Variants in SKOR1 observed in about 807,000 individuals in gnomAD.
The protein encoded by SKOR1 is SKI family transcriptional corepressor 1, also known as LBX1 corepressor 1.
In SKOR1, 38 loss-of-function variants were observed where a neutral mutation model predicts 72.4. The ratio of observed to expected loss-of-function variants is 0.52; its 90% CI spans 0.40 to 0.69. The LOEUF is 0.69. Ranked by LOEUF, SKOR1 falls within the 30% of genes least tolerant of loss-of-function variation. The pLI is 0.00. For missense variants in SKOR1, 1,320 were observed against 1,343.2 expected, an observed-to-expected ratio of 0.98 and a Z score of 0.27; for synonymous variants, 642 against 599.4, an observed-to-expected ratio of 1.07 and a Z score of -1.04.
Position 67,832,367 on chromosome 15 carries a change from C to T in SKOR1, c.2662+19C>T. 4 of 1,612,358 alleles carry T rather than the reference C, an allele frequency of 2.5e-6. No individual in the cohort carries two copies. The highest frequency in any genetic ancestry group is 3.4e-6 in the Non-Finnish European group (4 of 1,178,592). ...CTCAAAGGTACCCACTGCCATCCTG[C>T]CTCACCCCACCTCATCACCGAGCCT... On this transcript the variant is annotated intron_variant, in intron 6 of 8. Transcript: ENST00000380035. The surrounding 1 kb of genome is among the most constrained non-coding windows in gnomAD (Gnocchi z 4.5).
Position 67,826,356 on chromosome 15 carries a change from C to G in SKOR1, c.528C>G (p.Pro176=). Residue 176 remains proline (P), a synonymous_variant, in exon 2 of 9, where the codon CCC becomes CCG. Coordinates refer to ENST00000380035, the MANE Select transcript of SKOR1 (RefSeq NM_001365915.1). ...GCGAGCACAAACCACCCAAGCTGCCCGAGAACTTCGCCTTCGATGTGGTGC... is the reference window on the plus strand; with the variant it reads ...GCGAGCACAAACCACCCAAGCTGCCGGAGAACTTCGCCTTCGATGTGGTGC... The part of the protein sequence containing the change: ...FLGEHKPPKL[P]ENFAFDVVHE... 6.2e-7 allele frequency: 1 copy of G among 1,613,678 alleles called. No homozygotes were observed. The highest frequency in any genetic ancestry group is 8.5e-7 in the Non-Finnish European group (1 of 1,179,916).
Position 67,827,959 on chromosome 15 carries a change from T to G in SKOR1, c.2131T>G (p.Ser711Ala). Residue 711 changes from serine to alanine, a missense_variant, in exon 2 of 9, where the codon TCT becomes GCT. Ser to Ala is a moderately conservative substitution (Grantham distance 99). Transcript: ENST00000380035. Reference sequence around the variant, plus strand: ...CTCTGGCGCGGACGGTCCCGCAAACTCTCCCGACGGCGGCAGCCCCCGCCC... The same window carrying G: ...CTCTGGCGCGGACGGTCCCGCAAACGCTCCCGACGGCGGCAGCCCCCGCCC... ...TSSGADGPAN[S>A]PDGGSPRPRR... is the part of the protein sequence containing the mutation. 5 of 1,553,898 alleles carry G rather than the reference T, an allele frequency of 3.2e-6. No homozygotes were observed. The highest frequency in any genetic ancestry group is 4.3e-6 in the Non-Finnish European group (5 of 1,152,570).
chr15:67,827,947 G>A lies in SKOR1; in HGVS notation c.2119G>A (p.Gly707Ser), dbSNP rs748619734. ...TTCCGCCACCTCCTCTGGCGCGGACGGTCCCGCAAACTCTCCCGACGGCGG... is the reference window on the plus strand; with the variant it reads ...TTCCGCCACCTCCTCTGGCGCGGACAGTCCCGCAAACTCTCCCGACGGCGG... ...PPSATSSGAD[G>S]PANSPDGGSP... Residue 707 changes from glycine (G) to serine (S), a missense_variant, in exon 2 of 9, where the codon GGT becomes AGT. Around this residue, in one of 3 missense-constraint regions of SKOR1, gnomAD observed 1,099 missense variants for 1,025.5 expected, o/e 1.07. Transcript: ENST00000380035. The A allele has an allele frequency of 6.4e-7, 1 of 1,570,484 alleles. No homozygotes were observed. The highest frequency in any genetic ancestry group is 1.2e-5 in the South Asian group (1 of 86,320).
At position 67,827,679 on chromosome 15, in the gene SKOR1, C is replaced by A. The variant is rs1355064703; in HGVS notation, c.1851C>A (p.Gly617=). The part of the protein sequence containing the change: ...KLYGSAREAY[G]AGPARGPGPG... Reference sequence around the variant, plus strand: ...ACGGGAGCGCCCGGGAGGCGTACGGCGCGGGGCCTGCTCGGGGGCCGGGAC... The same window carrying A: ...ACGGGAGCGCCCGGGAGGCGTACGGAGCGGGGCCTGCTCGGGGGCCGGGAC... The change falls in exon 2 of 9, where the codon GGC becomes GGA. Residue 617 remains glycine, a synonymous_variant. Coordinates refer to ENST00000380035, the MANE Select transcript of SKOR1 (RefSeq NM_001365915.1). 1.2e-5 allele frequency: 19 copies of A among 1,534,358 alleles called. No homozygotes were observed. The highest frequency in any genetic ancestry group is 3.7e-5 in the South Asian group (3 of 82,066).
Position 67,830,256 on chromosome 15 carries a change from C to G in SKOR1, c.2473C>G (p.Gln825Glu). ...DLETRKSYPD[Q>E]RSISQPSPAN... The stretch of plus-strand genomic sequence containing the variant: ...GGAAACGAGGAAATCCTATCCAGAC[C>G]AAAGGAGTATCTCCCAGCCAAGTCC... The change falls in exon 4 of 9, where the codon CAA (glutamine) becomes GAA (glutamate). Residue 825 changes from glutamine to glutamate, a missense_variant. This residue lies in a region of SKOR1 where 1,099 missense variants were observed against 1,025.5 expected (regional missense o/e 1.07). Coordinates refer to ENST00000380035, the MANE Select transcript of SKOR1 (RefSeq NM_001365915.1). The G allele has an allele frequency of 6.2e-7, 1 of 1,614,168 alleles. No homozygotes were observed. The highest frequency in any genetic ancestry group is 8.5e-7 in the Non-Finnish European group (1 of 1,180,020).
Position 67,832,280 on chromosome 15 carries a change from T to C in SKOR1, c.2594T>C (p.Leu865Ser), listed in dbSNP as rs755588844. The change falls in exon 6 of 9, where the codon TTG becomes TCG. Residue 865 changes from leucine (L) to serine (S), a missense_variant. Physicochemically the swap from Leu to Ser is moderately radical, Grantham distance 145. Coordinates refer to ENST00000380035, the MANE Select transcript of SKOR1 (RefSeq NM_001365915.1). The surrounding 1 kb of genome is among the most constrained non-coding windows in gnomAD (Gnocchi z 4.5). ...CACTTTTCCCCTTTCACAGAGGAAT[T>C]GCAAAAACTGCTCCTGGAACAAATG... The part of the protein sequence containing the change: ...KDIENLAREE[L>S]QKLLLEQMEL... The C allele has an allele frequency of 6.2e-7, 1 of 1,614,082 alleles. No individual in the cohort carries two copies. Among genetic ancestry groups the C allele is most frequent in the Admixed American group, 1.7e-5 (1 of 60,024 alleles).
In SKOR1 at chr15:67,827,983, C is replaced by T; in HGVS notation, c.2155C>T (p.Pro719Ser). Residue 719 changes from proline to serine, a missense_variant, in exon 2 of 9, where the codon CCC becomes TCC. By Grantham distance (74) the Pro-to-Ser change is moderately conservative. Around this residue, in one of 3 missense-constraint regions of SKOR1, gnomAD observed 1,099 missense variants for 1,025.5 expected, o/e 1.07. Coordinates refer to ENST00000380035, the MANE Select transcript of SKOR1 (RefSeq NM_001365915.1). ...CTCTCCCGACGGCGGCAGCCCCCGC[C>T]CCCGGCGCCGCCTCGGGCCACCCCC... ...ANSPDGGSPR[P>S]RRRLGPPPAG... 1.3e-6 allele frequency: 2 copies of T among 1,539,974 alleles called. No homozygotes were observed. The highest frequency in any genetic ancestry group is 1.7e-6 in the Non-Finnish European group (2 of 1,145,032).
chr15:67,830,967 G>T, intron 5 of SKOR1, 78 bp downstream of exon 5: 1 of 1,424,742 alleles, frequency 7.0e-7, no homozygotes, highest in Admixed American at 1.7e-5. Context: ...TGTTATCCCT[G>T]TAGGGGGTGA....
Position 67,832,967 on chromosome 15 carries a change from A to C in SKOR1, c.2738-225A>C. On this transcript the variant is annotated intron_variant, in intron 7 of 8. Coordinates refer to ENST00000380035, the MANE Select transcript of SKOR1 (RefSeq NM_001365915.1). The surrounding 1 kb of genome is among the most constrained non-coding windows in gnomAD (Gnocchi z 4.5). ...AAAATTACCTGGGAAGTAATGCCTAAGTTTGCTTTAATTTTGGTTAGATCC... is the reference window on the plus strand; with the variant it reads ...AAAATTACCTGGGAAGTAATGCCTACGTTTGCTTTAATTTTGGTTAGATCC... 1.7e-6 allele frequency: 1 copy of C among 601,938 alleles called. No homozygotes were observed. Among genetic ancestry groups the C allele is most frequent in the Non-Finnish European group, 2.9e-6 (1 of 341,020 alleles). The allele number at this position is 601,938 out of a possible 1,614,324, so 37.3% of individuals were successfully genotyped here.
chr15:67,828,696 C>T (rs1303946165), intron 2 of SKOR1, among the ~76,000 whole-genome samples: 2 of 152,158 alleles, frequency 1.3e-5, no homozygotes, highest in African/African-American at 4.8e-5. Context: ...GTCTCGGGAC[C>T]GCGTGCGGAG....
At chr15:67,830,331 C>A (rs1454880087) in intron 4 of SKOR1, 33 bp downstream of exon 4, 6 of 1,601,378 alleles carry the variant, frequency 3.7e-6, no homozygotes, top group East Asian at 2.2e-5. Flanking sequence ...CGCTCTCCAC[C>A]GCACCCAGGA....
chr15:67,831,147 C>CCCGG (rs1175199422), intron 5 of SKOR1, among the ~76,000 whole-genome samples: 1 of 152,124 alleles, frequency 6.6e-6, no homozygotes, highest in Non-Finnish European at 1.5e-5. Flanking sequence ...GTTCCCAAGG[C>CCCGG]CCGGGTCTGT....
chr15:67,825,543 C>A lies in SKOR1; in HGVS notation c.-60C>A. ...GCTTCAGGACCCGGGCCGGCAGCAC[C>A]GGCTGCGAGGGTTGCCGAAGGCGCA... On this transcript the variant is annotated 5_prime_UTR_variant, in exon 1 of 9. Transcript: ENST00000380035. The surrounding 1 kb of genome is among the most constrained non-coding windows in gnomAD (Gnocchi z 5.6). 1 of 721,430 alleles carries A rather than the reference C, an allele frequency of 1.4e-6. No homozygotes were observed. Among genetic ancestry groups the A allele is most frequent in the Non-Finnish European group, 2.6e-6 (1 of 387,092 alleles). The allele number at this position is 721,430 out of a possible 1,614,324, so 44.7% of individuals were successfully genotyped here.
chr15:67,830,343 C>G, intron 4 of SKOR1, 45 bp downstream of exon 4: 1 of 1,583,820 alleles, frequency 6.3e-7, no homozygotes, highest in Middle Eastern at 1.7e-4. Context: ...CACCCAGGAG[C>G]TGGGACCCAG....
In SKOR1 at chr15:67,827,381, C is replaced by T. The variant is rs781021068; in HGVS notation, c.1553C>T (p.Ala518Val). The T allele has an allele frequency of 3.1e-4, 482 of 1,549,024 alleles. No individual in the cohort carries two copies. The highest frequency in any genetic ancestry group is 4.0e-4 in the Non-Finnish European group (459 of 1,156,674). The change falls in exon 2 of 9, where the codon GCG becomes GTG. Residue 518 changes from alanine to valine, a missense_variant. Physicochemically the swap from Ala to Val is moderately conservative, Grantham distance 64 (BLOSUM62 0). This residue lies in a region of SKOR1 where 1,099 missense variants were observed against 1,025.5 expected (regional missense o/e 1.07). Transcript: ENST00000380035. ...SQAKAVAAAV[A>V]AAAAAAAAAA... is the part of the protein sequence containing the mutation. ...GCCAAGGCCGTGGCGGCAGCCGTGG[C>T]GGCGGCAGCGGCGGCGGCAGCGGCA...
rs751107745 is a variant in SKOR1 at position 67,826,831 on chromosome 15, G to C, written c.1003G>C (p.Gly335Arg). 23 of 1,523,004 alleles carry C rather than the reference G, an allele frequency of 1.5e-5. No homozygotes were observed. The highest frequency in any genetic ancestry group is 4.0e-5 in the Admixed American group (2 of 49,542). 94.3% of individuals were successfully genotyped at this position (1,523,004 alleles called of 1,614,324 possible). The change falls in exon 2 of 9, where the codon GGG becomes CGG. Residue 335 changes from glycine to arginine, a missense_variant. Physicochemically the swap from Gly to Arg is moderately radical, Grantham distance 125 (BLOSUM62 -2). Around this residue, in one of 3 missense-constraint regions of SKOR1, gnomAD observed 1,099 missense variants for 1,025.5 expected, o/e 1.07. Transcript: ENST00000380035. ...GCGCTGTGGCGAAGATGAGGCTGCCGGGCCTCCGGGGCCACCTCCACCCCA... is the reference window on the plus strand; with the variant it reads ...GCGCTGTGGCGAAGATGAGGCTGCCCGGCCTCCGGGGCCACCTCCACCCCA... The part of the protein sequence containing the change: ...SLRCGEDEAA[G>R]PPGPPPPHPQ...
intron 2 of SKOR1, 90 bp downstream of exon 2, chr15:67,828,234 G>A (rs2090981185): frequency 8.1e-6 from 11 of 1,359,136 alleles, no homozygotes; most frequent in Non-Finnish European, 9.4e-6. Flanking sequence ...CGGGAATTTT[G>A]TTCCGCGCAG....
chr15:67,826,361 A>G lies in SKOR1; in HGVS notation c.533A>G (p.Asn178Ser), dbSNP rs2090958467. 1.2e-6 allele frequency: 2 copies of G among 1,613,544 alleles called. No homozygotes were observed. Among genetic ancestry groups the G allele is most frequent in the South Asian group, 2.2e-5 (2 of 91,090 alleles). The change falls in exon 2 of 9, where the codon AAC (asparagine) becomes AGC (serine). Residue 178 changes from asparagine (N) to serine (S), a missense_variant. Physicochemically the swap from Asn to Ser is conservative, Grantham distance 46. Around this residue, in one of 3 missense-constraint regions of SKOR1, gnomAD observed 101 missense variants for 212.8 expected, o/e 0.47. Coordinates refer to ENST00000380035, the MANE Select transcript of SKOR1 (RefSeq NM_001365915.1). ...GEHKPPKLPE[N>S]FAFDVVHECA... The stretch of plus-strand genomic sequence containing the variant: ...CACAAACCACCCAAGCTGCCCGAGA[A>G]CTTCGCCTTCGATGTGGTGCACGAG...
Position 67,825,819 on chromosome 15 carries a change from T to TC in SKOR1, c.108-113dup, listed in dbSNP as rs1364791180. The TC allele has an allele frequency of 6.6e-7, 1 of 1,524,046 alleles. No individual in the cohort carries two copies. Among genetic ancestry groups the TC allele is most frequent in the East Asian group, 2.3e-5 (1 of 44,104 alleles). The allele number at this position is 1,524,046 out of a possible 1,614,324, so 94.4% of individuals were successfully genotyped here. A position where few individuals can be genotyped will look rare whatever the true frequency, so the allele number is the denominator to read the frequency against. ...GTCCAGGGGGTGAATGAGTTTGGACTCCCCACTGCCAAGTATCCCCCGCGC... is the reference window on the plus strand; with the variant it reads ...GTCCAGGGGGTGAATGAGTTTGGACTCCCCCACTGCCAAGTATCCCCCGCGC... On this transcript the variant is annotated intron_variant, in intron 1 of 8. Coordinates refer to ENST00000380035, the MANE Select transcript of SKOR1 (RefSeq NM_001365915.1). This position sits in a 1 kb window ranked among gnomAD's most constrained non-coding sequence, Gnocchi z 5.6.
Sources: allele counts gnomAD v4.1 joint callset (sites outside exome capture counted in the v4.1 genomes callset), GRCh38; gene constraint gnomAD v4.1.1; regional missense constraint gnomAD v4.1.1; non-coding constraint Gnocchi (gnomAD v3.1); transcripts MANE v1.5; gene names NCBI Gene and HGNC (gene_info 2026-07-23, HGNC 2026-07-21).